The following HRH1 variants were observed in gnomAD, a reference collection of about 807,000 sequenced individuals.
The protein encoded by HRH1 is histamine H1 receptor.
Under a neutral mutation model 10.3 loss-of-function variants are expected in HRH1, and 6 were observed. The observed-to-expected ratio is 0.58, with a 90% CI of 0.32 to 1.15. The LOEUF is 1.15. Ranked by LOEUF, HRH1 falls within the 50% of genes most tolerant of loss-of-function variation. HRH1 has a pLI of 0.05. For synonymous variants in HRH1, 242 were observed against 236.7 expected, an observed-to-expected ratio of 1.02 and a Z score of -0.21; for missense variants, 514 against 615.3, an observed-to-expected ratio of 0.84 and a Z score of 1.74.
intron 1 of HRH1, among the ~76,000 whole-genome samples, chr3:11,248,733 G>T (rs548528047): frequency 2.6e-5 from 4 of 152,360 alleles, no homozygotes; most frequent in Non-Finnish European, 5.9e-5. Context: ...ATCAGGGGCT[G>T]CAGGCTGGAT....
At chr3:11,217,966 C>T (rs180958560) in intron 1 of HRH1, among the ~76,000 whole-genome samples, 48 of 152,200 alleles carry the variant, frequency 3.2e-4, no homozygotes, top group Non-Finnish European at 5.4e-4. Flanking sequence ...AACAGAACCT[C>T]GAGTGTGCAG....
At chr3:11,243,451 A>G (rs771602018) in intron 1 of HRH1, among the ~76,000 whole-genome samples, 15 of 152,246 alleles carry the variant, frequency 9.9e-5, no homozygotes, top group Non-Finnish European at 1.3e-4. Flanking sequence ...TGATAATCCC[A>G]CAAGAAAGTT....
upstream of HRH1, among the ~76,000 whole-genome samples, chr3:11,151,732 C>T (rs1461851250): frequency 6.6e-6 from 1 of 152,148 alleles, no homozygotes; most frequent in East Asian, 1.9e-4. Flanking sequence ...AACTCCTGAG[C>T]TCAAGTGATC....
intron 1 of HRH1, among the ~76,000 whole-genome samples, chr3:11,250,073 C>G (rs549952211): frequency 3.3e-5 from 4 of 121,170 alleles, no homozygotes; most frequent in East Asian, 2.6e-4. Flanking sequence ...GACGGAGTCT[C>G]GCTCTGCCGC....
At chr3:11,147,576 ATGTGACAAGAC>A (rs1352055004) in intron 1 of HRH1, among the ~76,000 whole-genome samples, 1 of 152,140 alleles carries the variant, frequency 6.6e-6, no homozygotes, top group African/African-American at 2.4e-5. Flanking sequence ...TAAAACAACG[ATGTGACAAGAC>A]TGTGATCCCA....
At chr3:11,255,722 G>A (rs1478371012) in intron 1 of HRH1, among the ~76,000 whole-genome samples, 1 of 152,178 alleles carries the variant, frequency 6.6e-6, no homozygotes, top group Non-Finnish European at 1.5e-5. Context: ...AGGCTTCCAG[G>A]TCTTAGGAAG....
At chr3:11,191,770 C>T (rs997585169) in intron 1 of HRH1, among the ~76,000 whole-genome samples, 9 of 152,298 alleles carry the variant, frequency 5.9e-5, no homozygotes, top group South Asian at 4.2e-4. Context: ...GCACAGTTGG[C>T]GTGTAGGGAG....
chr3:11,237,588 G>A (rs143463929), intron 1 of HRH1, among the ~76,000 whole-genome samples: 12 of 140,138 alleles, frequency 8.6e-5, no homozygotes, highest in Non-Finnish European at 6.7e-5. Context: ...TTAAACGATT[G>A]AGGATTAAAC....
At chr3:11,255,322 A>C (rs1249510083) in intron 1 of HRH1, among the ~76,000 whole-genome samples, 3 of 152,168 alleles carry the variant, frequency 2.0e-5, no homozygotes, top group Non-Finnish European at 1.5e-5. Flanking sequence ...GTGCCAGACA[A>C]TGAGGAAAAG....
At chr3:11,219,336 T>G (rs879809704) in intron 1 of HRH1, among the ~76,000 whole-genome samples, 2 of 152,116 alleles carry the variant, frequency 1.3e-5, no homozygotes, top group Non-Finnish European at 2.9e-5. Context: ...GGTTGCGTGG[T>G]TGTGAATGTA....
intron 1 of HRH1, among the ~76,000 whole-genome samples, chr3:11,157,556 G>A (rs911089369): frequency 6.6e-6 from 1 of 152,192 alleles, no homozygotes; most frequent in Admixed American, 6.5e-5. Context: ...TGCCATTAAT[G>A]GTTGTAGAGG....
chr3:11,243,086 G>T (rs1455211503), intron 1 of HRH1, among the ~76,000 whole-genome samples: 1 of 152,120 alleles, frequency 6.6e-6, no homozygotes, highest in Non-Finnish European at 1.5e-5. Flanking sequence ...GCTAATTTTT[G>T]TATTTTTAGT....
intron 1 of HRH1, among the ~76,000 whole-genome samples, chr3:11,246,728 A>G (rs1939499750): frequency 6.6e-6 from 1 of 152,242 alleles, no homozygotes; most frequent in Admixed American, 6.5e-5. Context: ...ACAAAAAGGA[A>G]AAATACAGAT....
upstream of HRH1, among the ~76,000 whole-genome samples, chr3:11,151,521 C>T (rs1439791324): frequency 4.6e-5 from 7 of 151,828 alleles, no homozygotes; most frequent in African/African-American, 1.2e-4. Flanking sequence ...GTGGTGGGTA[C>T]AGGGTCTTGG....
At chr3:11,207,519 A>G (rs987824465) in intron 1 of HRH1, among the ~76,000 whole-genome samples, 36 of 152,188 alleles carry the variant, frequency 2.4e-4, no homozygotes, top group South Asian at 1.2e-3. Context: ...CAGTGAGCCG[A>G]GATCATGCCA....
chr3:11,184,056 C>T (rs1212101782), intron 1 of HRH1, among the ~76,000 whole-genome samples: 4 of 151,736 alleles, frequency 2.6e-5, no homozygotes, highest in Admixed American at 6.6e-5. Flanking sequence ...CTCCAGTGCC[C>T]GGCACAGTAA....
At chr3:11,195,065 C>T (rs1203737203) in intron 1 of HRH1, among the ~76,000 whole-genome samples, 1 of 152,132 alleles carries the variant, frequency 6.6e-6, no homozygotes, top group Non-Finnish European at 1.5e-5. Context: ...AGGAGCACTA[C>T]CCCCTTCTTA....
intron 1 of HRH1, among the ~76,000 whole-genome samples, chr3:11,254,835 C>T (rs574082892): frequency 2.0e-4 from 30 of 152,340 alleles, no homozygotes; most frequent in East Asian, 9.7e-4. Flanking sequence ...TAGTCACAAT[C>T]GCAAGAGCAC....
At chr3:11,208,153 CTTTT>C (rs113950173) in intron 1 of HRH1, among the ~76,000 whole-genome samples, 4 of 139,926 alleles carry the variant, frequency 2.9e-5, no homozygotes, top group Admixed American at 7.0e-5. Context: ...CCAGTTTTTT[CTTTT>C]TTTTTTTTTT....
Sources: gnomAD v4.1 joint callset for allele counts (sites outside exome capture counted in the v4.1 genomes callset) on GRCh38, gnomAD v4.1.1 for gene constraint, MANE v1.5 for transcripts, NCBI Gene and HGNC (gene_info 2026-07-23, HGNC 2026-07-21) for gene names.